The following POLR3A variants were observed in gnomAD, a reference collection of about 807,000 sequenced individuals.
POLR3A encodes the protein RNA polymerase III subunit A.
A neutral mutation model predicts 152.8 loss-of-function variants in POLR3A; 112 were observed. That is an observed-to-expected ratio of 0.73 (90% CI 0.63 to 0.86). POLR3A has a LOEUF of 0.86. Among genes scored for constraint, POLR3A ranks in the 40% least tolerant of loss-of-function variants. The pLI is 0.00. For synonymous variants in POLR3A, 615 were observed against 652.1 expected (o/e 0.94, Z 0.87); for missense variants, 1,385 against 1,743.1 (o/e 0.79, Z 3.66).
At chr10:78,016,804 G>A (rs1216099334) in intron 10 of POLR3A, among the ~76,000 whole-genome samples, 1 of 150,872 alleles carries the variant, frequency 6.6e-6, no homozygotes, top group Non-Finnish European at 1.5e-5. Flanking sequence ...GAGCCGAGGC[G>A]GTCAAAGCTG....
At chr10:78,004,958 T>C in intron 15 of POLR3A, 70 bp from the exon 16 acceptor site, 1 of 1,190,034 alleles carries the variant, frequency 8.4e-7, no homozygotes, top group Admixed American at 1.7e-5. Context: ...ATACAGTTTA[T>C]GCCTGCTAGA....
In POLR3A at chr10:77,984,294, G is replaced by T; in HGVS notation, c.3247C>A (p.Pro1083Thr). 6.2e-7 allele frequency: 1 copy of T among 1,604,776 alleles called. No individual in the cohort carries two copies. ...IINASKAIST[P>T]IITAQLDKDD... The stretch of plus-strand genomic sequence containing the variant: ...TTGTCTAGCTGTGCTGTGATAATTG[G>T]AGTGCTGTTGAGAAGCAAAGGAAAA... Residue 1083 changes from proline (P) to threonine (T), a missense_variant, in exon 25 of 31, where the codon CCA becomes ACA. Pro to Thr is a conservative substitution (Grantham distance 38). Around this residue, in one of 7 missense-constraint regions of POLR3A, gnomAD observed 332 missense variants for 400.1 expected, o/e 0.83. Transcript: ENST00000372371.
intron 2 of POLR3A, 105 bp downstream of exon 2, chr10:78,025,989 G>GA: frequency 7.2e-7 from 1 of 1,396,068 alleles, no homozygotes. Flanking sequence ...GTGCAGGGGG[G>GA]AATTGAGGAG....
rs890753046 is a variant in POLR3A at position 77,977,588 on chromosome 10, T to C, written c.4063A>G (p.Ile1355Val). 3 of 1,614,038 alleles carry C rather than the reference T, an allele frequency of 1.9e-6. No homozygotes were observed. The highest frequency in any genetic ancestry group is 1.6e-4 in the Middle Eastern group (1 of 6,062). The change falls in exon 31 of 31, where the codon ATT (isoleucine) becomes GTT (valine). Residue 1355 changes from isoleucine to valine, a missense_variant. Ile to Val is a conservative substitution (Grantham distance 29). Transcript: ENST00000372371. Reference protein sequence around the residue: ...ECIIMGIPMNIGTGLFKLLHK... With the variant: ...ECIIMGIPMNVGTGLFKLLHK... Reference sequence around the variant, plus strand: ...AGCAGCTTGAAGAGCCCGGTTCCAATGTTCATTGGGATTCCCATGATGATG... The same window carrying C: ...AGCAGCTTGAAGAGCCCGGTTCCAACGTTCATTGGGATTCCCATGATGATG...
At chr10:77,989,894 G>T (rs918134055) in intron 21 of POLR3A, among the ~76,000 whole-genome samples, 1 of 152,090 alleles carries the variant, frequency 6.6e-6, no homozygotes, top group African/African-American at 2.4e-5. Context: ...ACAGACAAAG[G>T]CACCCAGCCT....
At chr10:78,003,306 TC>T (rs1186843027) in intron 16 of POLR3A, among the ~76,000 whole-genome samples, 1 of 152,210 alleles carries the variant, frequency 6.6e-6, no homozygotes, top group Non-Finnish European at 1.5e-5. Context: ...AATTCTGGTT[TC>T]TCCCTGCTTT....
Position 78,016,768 on chromosome 10 carries a change from G to A in POLR3A, c.1431+807C>T, listed in dbSNP as rs552004363. 4.0e-5 allele frequency among the ~76,000 whole-genome samples: 6 copies of A among 150,808 alleles called. No individual in the cohort carries two copies. In the East Asian group the frequency reaches 7.8e-4, roughly 20 times the overall value. On this transcript the variant is annotated intron_variant, in intron 10 of 30. Transcript: ENST00000372371. ...GGCACATGCCTGTAGTCCTAGCTAC[G>A]GTAGGCTGAGGTGGGAGGATCGCTT...
Position 78,013,773 on chromosome 10 carries a change from G to A in POLR3A, c.1449C>T (p.His483=). The A allele has an allele frequency of 1.1e-5, 17 of 1,614,202 alleles. No homozygotes were observed. The highest frequency in any genetic ancestry group is 1.4e-5 in the Non-Finnish European group (17 of 1,180,034). The change falls in exon 11 of 31, where the codon CAC becomes CAT. Residue 483 remains histidine (H), a synonymous_variant. Coordinates refer to ENST00000372371, the MANE Select transcript of POLR3A (RefSeq NM_007055.4). ...CACACTCATTAAATCTGAAGGTCCG[G>A]TGGGGCTTGACCCTGGCCTGTGGAA... The part of the protein sequence containing the change: ...IMAHLARVKP[H]RTFRFNECVC...
chr10:77,975,429 C>T lies in POLR3A; in HGVS notation c.*2049G>A, dbSNP rs1333009840. 6.6e-6 allele frequency: 1 copy of T among 152,216 alleles called. No individual in the cohort carries two copies. Among genetic ancestry groups the T allele is most frequent in the Non-Finnish European group, 1.5e-5 (1 of 68,078 alleles). 9.4% of individuals were successfully genotyped at this position (152,216 alleles called of 1,614,324 possible). On this transcript the variant is annotated 3_prime_UTR_variant, in exon 31 of 31. Coordinates refer to ENST00000372371, the MANE Select transcript of POLR3A (RefSeq NM_007055.4). ...GGCAGTTCCAGGAGGAGGACCAGCA[C>T]CTCCAGGACGTATGACTTCCCCCCC...
At chr10:77,980,298 G>T in intron 29 of POLR3A, 25 bp from the exon 30 acceptor site, 1 of 1,612,988 alleles carries the variant, frequency 6.2e-7, no homozygotes, top group South Asian at 1.1e-5. Context: ...AAAGAGTCAC[G>T]GTGGTACTCA....
Position 77,982,359 on chromosome 10 carries a change from C to T in POLR3A, c.3595-41G>A. On this transcript the variant is annotated intron_variant, in intron 27 of 30. Coordinates refer to ENST00000372371, the MANE Select transcript of POLR3A (RefSeq NM_007055.4). ...GAGAAAGCTGTGAGGACGGGGTGAG[C>T]CATGCCCTGGGCTGATCACCTTGAT... The T allele has an allele frequency of 2.5e-6, 4 of 1,600,284 alleles. No homozygotes were observed. In the African/African-American group the frequency reaches 5.3e-5, roughly 21 times the overall value.
rs2131952487 is a variant in POLR3A at position 78,013,650 on chromosome 10, C to A, written c.1572G>T (p.Gly524=). 2 of 1,613,964 alleles carry A rather than the reference C, an allele frequency of 1.2e-6. No individual in the cohort carries two copies. The highest frequency in any genetic ancestry group is 1.7e-6 in the Non-Finnish European group (2 of 1,179,934). The change falls in exon 11 of 31, where the codon GGG becomes GGT. Residue 524 remains glycine (G), a splice_region_variant and synonymous_variant. Transcript: ENST00000372371. The part of the protein sequence containing the change: ...EAKAEALVLM[G]TKANLVTPRN... ...AGCTGGGCTGTGCCACCCTACATACCCCCATCAGAACAAGGGCCTCTGCTT... is the reference window on the plus strand; with the variant it reads ...AGCTGGGCTGTGCCACCCTACATACACCCATCAGAACAAGGGCCTCTGCTT...
At chr10:78,018,327 C>T (rs377176069) in intron 9 of POLR3A, among the ~76,000 whole-genome samples, 1 of 151,728 alleles carries the variant, frequency 6.6e-6, no homozygotes, top group African/African-American at 2.4e-5. Context: ...GGTGAAAACC[C>T]GTCGCTACTA....
intron 24 of POLR3A, 21 bp downstream of exon 24, chr10:77,985,149 G>A: frequency 1.2e-6 from 2 of 1,601,332 alleles, no homozygotes; most frequent in Middle Eastern, 1.7e-4. Context: ...TGTGGAACAA[G>A]AAGGAAATGA....
Position 78,000,127 on chromosome 10 carries a change from A to G in POLR3A, c.2479-9T>C. 1 of 1,614,024 alleles carries G rather than the reference A, an allele frequency of 6.2e-7. No individual in the cohort carries two copies. ...CCTTTGGCAGCTGGGAGCTAAAGAG[A>G]GGTAGAAAAAAGAAAAATCAAACAA... On this transcript the variant is annotated splice_polypyrimidine_tract_variant and intron_variant, in intron 18 of 30. Coordinates refer to ENST00000372371, the MANE Select transcript of POLR3A (RefSeq NM_007055.4).
chr10:78,018,416 T>C lies in POLR3A; in HGVS notation c.1290-700A>G, dbSNP rs140463198. ...CGGGTGACTGAGGCAGGAAACTTGC[T>C]TGAACCTGGGAGGTGGAGGTTGCAG... On this transcript the variant is annotated intron_variant, in intron 9 of 30. Coordinates refer to ENST00000372371, the MANE Select transcript of POLR3A (RefSeq NM_007055.4). Among the ~76,000 whole-genome samples, 204 of 151,650 alleles carry C rather than the reference T, an allele frequency of 1.3e-3. 6 individuals carry two copies. The East Asian group carries it at 0.039, about 29-fold the overall frequency.
At chr10:77,999,609 G>A (rs1425208382) in intron 19 of POLR3A, among the ~76,000 whole-genome samples, 1 of 152,162 alleles carries the variant, frequency 6.6e-6, no homozygotes, top group Non-Finnish European at 1.5e-5. Flanking sequence ...TATTAATAAT[G>A]AGTTACATAA....
chr10:78,019,307 T>C (rs148613240), intron 8 of POLR3A, 42 bp from the exon 9 acceptor site: 31 of 1,253,524 alleles, frequency 2.5e-5, no homozygotes, highest in Non-Finnish European at 3.0e-5. Flanking sequence ...CCCAGGTAAC[T>C]AGAAACTAAC....
intron 19 of POLR3A, among the ~76,000 whole-genome samples, chr10:77,994,985 G>A (rs560082108): frequency 1.7e-4 from 26 of 152,338 alleles, no homozygotes; most frequent in East Asian, 5.8e-4. Context: ...CTACAAGCCA[G>A]AAGAGAGTGG....
Sources: allele counts gnomAD v4.1 joint callset (sites outside exome capture counted in the v4.1 genomes callset), GRCh38; gene constraint gnomAD v4.1.1; regional missense constraint gnomAD v4.1.1; transcripts MANE v1.5; gene names NCBI Gene and HGNC (gene_info 2026-07-23, HGNC 2026-07-21).